Variants in FZD3 observed in about 807,000 individuals in gnomAD.
The protein encoded by FZD3 is frizzled class receptor 3.
A neutral mutation model predicts 60.7 loss-of-function variants in FZD3; 30 were observed. The observed-to-expected ratio is 0.49, with a 90% CI of 0.37 to 0.67. The LOEUF is 0.67. FZD3 is among the 30% of genes least tolerant of loss of function. The pLI, the probability that FZD3 is intolerant of heterozygous loss-of-function variation, is 0.00. For missense variants in FZD3, 605 were observed against 838.7 expected, an observed-to-expected ratio of 0.72 and a Z score of 3.44; for synonymous variants, 246 against 275.2, an observed-to-expected ratio of 0.89 and a Z score of 1.05.
chr8:28,550,481 C>CTTTTTTTTTTTT (rs386412443), intron 5 of FZD3, among the ~76,000 whole-genome samples: 12 of 34,340 alleles, frequency 3.5e-4, no homozygotes, highest in Middle Eastern at 0.05. Context: ...CTTCTTTTAT[C>CTTTTTTTTTTTT]TTTTTTTTTT....
At chr8:28,521,185 T>C (rs1289573448) in intron 4 of FZD3, among the ~76,000 whole-genome samples, 2 of 152,200 alleles carry the variant, frequency 1.3e-5, no homozygotes, top group Non-Finnish European at 2.9e-5. Flanking sequence ...TTGCGGGGGC[T>C]TAAATACCTT....
Position 28,539,666 on chromosome 8 carries a change from A to G in FZD3, c.1404+11502A>G, listed in dbSNP as rs373932883. 5.3e-5 allele frequency among the ~76,000 whole-genome samples: 8 copies of G among 152,344 alleles called. No homozygotes were observed. The East Asian group carries it at 1.5e-3, about 29-fold the overall frequency. On this transcript the variant is annotated intron_variant, in intron 5 of 7. Coordinates refer to ENST00000240093, the MANE Select transcript of FZD3 (RefSeq NM_017412.4). ...TTTTATGTGGGCTTTAGGTGACCAT[A>G]GGCTTGATATAAGTCAATATTTTGC...
chr8:28,506,205 G>A (rs1445432996), intron 3 of FZD3, among the ~76,000 whole-genome samples: 1 of 152,154 alleles, frequency 6.6e-6, no homozygotes, highest in Admixed American at 6.5e-5. Context: ...AGAGATCTGG[G>A]CAGGCTTTTC....
chr8:28,536,276 C>T lies in FZD3; in HGVS notation c.1404+8112C>T, dbSNP rs1243560543. On this transcript the variant is annotated intron_variant, in intron 5 of 7. Transcript: ENST00000240093. ...CATTTTTTTCATCTCTTTCATCCAT[C>T]TAATTTAATGCAGTATGTCCCAAGG... 3.9e-5 allele frequency among the ~76,000 whole-genome samples: 6 copies of T among 152,106 alleles called. No homozygotes were observed. In the East Asian group the frequency reaches 1.2e-3, roughly 29 times the overall value.
At chr8:28,511,498 AAAAAT>A (rs1415550510) in intron 3 of FZD3, among the ~76,000 whole-genome samples, 3 of 152,176 alleles carry the variant, frequency 2.0e-5, no homozygotes, top group East Asian at 3.8e-4. Flanking sequence ...CACAAAAATA[AAAAAT>A]AAAATAACAG....
rs373553202 is a variant in FZD3 at position 28,551,619 on chromosome 8, G to A, written c.1421G>A (p.Arg474His). Residue 474 changes from arginine to histidine, a missense_variant, in exon 6 of 8, where the codon CGT (arginine) becomes CAT (histidine). Physicochemically the swap from Arg to His is conservative, Grantham distance 29 (BLOSUM62 0). Transcript: ENST00000240093. ...PCPYQVTQMS[R>H]PDLILFLMKY... ...TTCTTCCAGGTTACTCAAATGAGTC[G>A]TCCAGACTTGATTCTCTTTCTGATG... is the stretch of plus-strand genomic sequence containing the variant. 1.9e-5 allele frequency: 31 copies of A among 1,608,006 alleles called. No homozygotes were observed. Among genetic ancestry groups the A allele is most frequent in the Admixed American group, 8.4e-5 (5 of 59,788 alleles).
intron 3 of FZD3, among the ~76,000 whole-genome samples, chr8:28,505,481 G>C (rs1343664139): frequency 6.6e-6 from 1 of 152,072 alleles, no homozygotes; most frequent in Non-Finnish European, 1.5e-5. Flanking sequence ...CTCCCAAGTA[G>C]CTGGGACTAC....
rs9969520 is a variant in FZD3, at chr8:28,567,387, T to C, written c.*4376T>C. ...CTCAAACTCCTGACCTCAAGTGATC[T>C]GCCCACCTCAGCCTCCCAAAGTGCT... is the stretch of plus-strand genomic sequence containing the variant. On this transcript the variant is annotated 3_prime_UTR_variant, in exon 8 of 8. Transcript: ENST00000240093. 87,662 of 152,042 alleles carry C rather than the reference T, an allele frequency of 0.58. 25,466 individuals are homozygous for C. Among genetic ancestry groups the C allele is most frequent in the East Asian group, 0.65 (3,339 of 5,160 alleles). The allele number at this position is 152,042 out of a possible 1,614,324, so 9.4% of individuals were successfully genotyped here.
chr8:28,545,945 T>C (rs922354773), intron 5 of FZD3, among the ~76,000 whole-genome samples: 1 of 152,242 alleles, frequency 6.6e-6, no homozygotes, highest in Non-Finnish European at 1.5e-5. Context: ...ATTTTTATTT[T>C]ACCCTTTCTA....
intron 5 of FZD3, among the ~76,000 whole-genome samples, chr8:28,550,226 G>T (rs1012512093): frequency 6.6e-6 from 1 of 151,664 alleles, no homozygotes; most frequent in Non-Finnish European, 1.5e-5. Flanking sequence ...AGTCAATTAT[G>T]TTAAATTACA....
chr8:28,503,407 TTAGA>T (rs1273692858), intron 3 of FZD3, among the ~76,000 whole-genome samples: 1 of 152,214 alleles, frequency 6.6e-6, no homozygotes, highest in Non-Finnish European at 1.5e-5. Flanking sequence ...CTCTTATATT[TTAGA>T]CATTATACTT....
intron 5 of FZD3, among the ~76,000 whole-genome samples, chr8:28,540,787 A>G (rs549805900): frequency 6.6e-6 from 1 of 152,222 alleles, no homozygotes; most frequent in South Asian, 2.1e-4. Context: ...TCTACTAAAA[A>G]TACAAAAATT....
At chr8:28,515,526 G>C (rs546688293) in intron 3 of FZD3, among the ~76,000 whole-genome samples, 32 of 152,224 alleles carry the variant, frequency 2.1e-4, no homozygotes, top group Non-Finnish European at 3.8e-4. Flanking sequence ...TGGGCTGTCC[G>C]CATGCGCAGT....
At position 28,566,401 on chromosome 8, in the gene FZD3, T is replaced by C. The variant is rs193123580; in HGVS notation, c.*3390T>C. 45 of 152,310 alleles carry C rather than the reference T, an allele frequency of 3.0e-4. No individual in the cohort carries two copies. Among genetic ancestry groups the C allele is most frequent in the South Asian group, 1.0e-3 (5 of 4,832 alleles). The allele number at this position is 152,310 out of a possible 1,614,324, so 9.4% of individuals were successfully genotyped here. A position where few individuals can be genotyped will look rare whatever the true frequency, so the allele number is the denominator to read the frequency against. On this transcript the variant is annotated 3_prime_UTR_variant, in exon 8 of 8. Transcript: ENST00000240093. Reference sequence around the variant, plus strand: ...AGTAATTAGACTCCTTTTAGTCTTATGCTGTTAGATCTTTGTGGACCAGCT... The same window carrying C: ...AGTAATTAGACTCCTTTTAGTCTTACGCTGTTAGATCTTTGTGGACCAGCT...
chr8:28,528,086 G>A lies in FZD3; in HGVS notation c.1326G>A (p.Glu442=). The A allele has an allele frequency of 6.2e-7, 1 of 1,613,872 alleles. No homozygotes were observed. The highest frequency in any genetic ancestry group is 1.1e-5 in the South Asian group (1 of 91,072). Residue 442 remains glutamate, a synonymous_variant, in exon 5 of 8, where the codon GAG becomes GAA. Transcript: ENST00000240093. Reference sequence around the variant, plus strand: ...TTGTAATTGGATGCTACTTTTATGAGCAAGCTTACCGGGGCATCTGGGAAA... The same window carrying A: ...TTGTAATTGGATGCTACTTTTATGAACAAGCTTACCGGGGCATCTGGGAAA... ...LLVVIGCYFY[E]QAYRGIWETT... is the part of the protein sequence containing the mutation.
In FZD3 at chr8:28,527,922, T is replaced by G; in HGVS notation, c.1162T>G (p.Ser388Ala). The change falls in exon 5 of 8, where the codon TCT becomes GCT. Residue 388 changes from serine to alanine, a missense_variant. Physicochemically the swap from Ser to Ala is moderately conservative, Grantham distance 99. Coordinates refer to ENST00000240093, the MANE Select transcript of FZD3 (RefSeq NM_017412.4). This position sits in a 1 kb window ranked among gnomAD's most constrained non-coding sequence, Gnocchi z 5.0. ...PLCLYVVVGV[S>A]LLLAGIISLN... ...CTGCCTGTATGTGGTAGTTGGGGTTTCTCTCCTCTTAGCTGGCATTATATC... is the reference window on the plus strand; with the variant it reads ...CTGCCTGTATGTGGTAGTTGGGGTTGCTCTCCTCTTAGCTGGCATTATATC... The G allele has an allele frequency of 6.2e-7, 1 of 1,614,072 alleles. No individual in the cohort carries two copies. Among genetic ancestry groups the G allele is most frequent in the Non-Finnish European group, 8.5e-7 (1 of 1,179,924 alleles).
chr8:28,525,619 C>G (rs1804695969), intron 4 of FZD3, among the ~76,000 whole-genome samples: 1 of 152,132 alleles, frequency 6.6e-6, no homozygotes, highest in Non-Finnish European at 1.5e-5. Flanking sequence ...CAGAAAAGTA[C>G]TGGGGCTGAG....
At chr8:28,550,354 G>T (rs373654826) in intron 5 of FZD3, among the ~76,000 whole-genome samples, 2 of 142,546 alleles carry the variant, frequency 1.4e-5, no homozygotes, top group East Asian at 4.1e-4. Flanking sequence ...TGTGTTTGCT[G>T]TTTTCTTCCC....
intron 4 of FZD3, among the ~76,000 whole-genome samples, chr8:28,523,714 C>T (rs903741605): frequency 3.9e-5 from 6 of 152,068 alleles, no homozygotes; most frequent in Non-Finnish European, 7.4e-5. Context: ...TAAGCCACTG[C>T]GCTTGGCCAG....
Sources: gnomAD v4.1 joint callset for allele counts (sites outside exome capture counted in the v4.1 genomes callset) on GRCh38, gnomAD v4.1.1 for gene constraint, Gnocchi (gnomAD v3.1) non-coding constraint, MANE v1.5 for transcripts, NCBI Gene and HGNC (gene_info 2026-07-23, HGNC 2026-07-21) for gene names.